The following PAG1 variants were observed in gnomAD, a reference collection of about 807,000 sequenced individuals.
PAG1 encodes phosphoprotein membrane anchor with glycosphingolipid microdomains 1, also known as phosphoprotein associated with glycosphingolipid-enriched microdomains 1.
Under a neutral mutation model 31.7 loss-of-function variants are expected in PAG1, and 23 were observed. That is an observed-to-expected ratio of 0.73 (90% confidence interval 0.52 to 1.03). PAG1 has a LOEUF of 1.03. PAG1 is among the 50% of genes least tolerant of loss of function. The probability of loss-of-function intolerance (pLI) is 0.00; values close to 1 mark genes in which losing one functional copy is unlikely to be tolerated. For synonymous variants in PAG1, 214 were observed against 210.3 expected, an observed-to-expected ratio of 1.02 and a Z score of -0.15; for missense variants, 473 against 540.7, an observed-to-expected ratio of 0.87 and a Z score of 1.24.
chr8:80,983,409 T>C (rs1807347738), intron 7 of PAG1, among the ~76,000 whole-genome samples: 1 of 152,220 alleles, frequency 6.6e-6, no homozygotes, highest in African/African-American at 2.4e-5. Context: ...CACTAAGATG[T>C]AAGTTCCACA....
rs534652296 is a variant in PAG1, at chr8:81,062,968, T to C, written c.-175+7144A>G. Among the ~76,000 whole-genome samples the C allele has an allele frequency of 3.9e-5, 6 of 152,300 alleles. No homozygotes were observed. In the South Asian group the frequency reaches 1.2e-3, roughly 32 times the overall value. ...AAGTGCTATGCCACACAGCATTTTA[T>C]TTATTTTAAAAATCCACTAAATAAA... is the stretch of plus-strand genomic sequence containing the variant. On this transcript the variant is annotated intron_variant, in intron 2 of 8. Transcript: ENST00000220597.
intron 3 of PAG1, among the ~76,000 whole-genome samples, chr8:81,023,749 T>C (rs548634408): frequency 6.6e-6 from 1 of 152,284 alleles, no homozygotes; most frequent in East Asian, 1.9e-4. Flanking sequence ...CATATAAATG[T>C]CCTAATAGAC....
At chr8:81,002,802 C>A (rs1298839819) in intron 3 of PAG1, among the ~76,000 whole-genome samples, 2 of 152,218 alleles carry the variant, frequency 1.3e-5, no homozygotes, top group African/African-American at 4.8e-5. Flanking sequence ...ACACACATCC[C>A]TCCAAGTTAT....
At chr8:80,992,628 C>T (rs1038381178) in intron 4 of PAG1, among the ~76,000 whole-genome samples, 1 of 152,148 alleles carries the variant, frequency 6.6e-6, no homozygotes, top group Non-Finnish European at 1.5e-5. Context: ...ACAGCATGTT[C>T]CTCTCCTTGG....
chr8:81,060,228 C>A (rs1024890544), intron 2 of PAG1, among the ~76,000 whole-genome samples: 1 of 152,124 alleles, frequency 6.6e-6, no homozygotes, highest in Non-Finnish European at 1.5e-5. Context: ...TGTTTTCAGG[C>A]ATCTAGCTTT....
chr8:80,992,086 C>T (rs1057398832), intron 4 of PAG1, among the ~76,000 whole-genome samples: 4 of 152,150 alleles, frequency 2.6e-5, no homozygotes, highest in Admixed American at 2.6e-4. Context: ...GAGAATACGC[C>T]GCCCATCCAC....
At chr8:81,008,657 T>C (rs1159914043) in intron 3 of PAG1, among the ~76,000 whole-genome samples, 1 of 151,600 alleles carries the variant, frequency 6.6e-6, no homozygotes, top group Admixed American at 6.6e-5. Context: ...AATCTCACGT[T>C]TCCTAACAGA....
chr8:81,075,825 A>G (rs1162647934), intron 1 of PAG1, among the ~76,000 whole-genome samples: 1 of 152,204 alleles, frequency 6.6e-6, no homozygotes, highest in Non-Finnish European at 1.5e-5. Flanking sequence ...GAGCATACAC[A>G]TAGTCACTAC....
intron 2 of PAG1, among the ~76,000 whole-genome samples, chr8:81,065,093 G>A (rs1808981494): frequency 6.6e-6 from 1 of 152,174 alleles, no homozygotes. Flanking sequence ...TGCTCTTGGG[G>A]GGAGGCGCTC....
Position 80,991,536 on chromosome 8 carries a change from A to G in PAG1, c.126-6T>C. The G allele has an allele frequency of 6.2e-7, 1 of 1,610,412 alleles. No individual in the cohort carries two copies. The highest frequency in any genetic ancestry group is 2.2e-5 in the East Asian group (1 of 44,868). ...GCTGTCGCGGCTTCTTTTCCCTGAA[A>G]TGAAAAGTGAAATGTTGTAATGTCA... On this transcript the variant is annotated splice_polypyrimidine_tract_variant and splice_region_variant and intron_variant, in intron 4 of 8. Transcript: ENST00000220597.
intron 2 of PAG1, among the ~76,000 whole-genome samples, chr8:81,060,343 C>T (rs1586195236): frequency 1.3e-5 from 2 of 152,270 alleles, no homozygotes; most frequent in East Asian, 3.9e-4. Flanking sequence ...TTAATCTATA[C>T]AATTAACTCT....
chr8:81,087,173 T>G (rs1458875619), intron 1 of PAG1, among the ~76,000 whole-genome samples: 2 of 152,064 alleles, frequency 1.3e-5, no homozygotes, highest in Non-Finnish European at 2.9e-5. Flanking sequence ...TGAAACCCCG[T>G]GTCTACTAAA....
At chr8:81,035,040 C>A (rs926990179) in intron 2 of PAG1, among the ~76,000 whole-genome samples, 3 of 152,008 alleles carry the variant, frequency 2.0e-5, no homozygotes, top group Non-Finnish European at 2.9e-5. Context: ...ATTTGGGTGT[C>A]GGTGGTGGCG....
rs376634077 is a variant in PAG1, at chr8:81,081,138, AT to A, written c.-233-10969del. Among the ~76,000 whole-genome samples, 294 of 152,104 alleles carry A rather than the reference AT, an allele frequency of 1.9e-3. 1 individual carries two copies. Among genetic ancestry groups the A allele is most frequent in the African/African-American group, 6.8e-3 (283 of 41,512 alleles). On this transcript the variant is annotated intron_variant, in intron 1 of 8. Transcript: ENST00000220597. ...TCACACGGTGTTTAGGAGTTAACAA[AT>A]ATTATCTATTTTTTAACATATATGA...
intron 2 of PAG1, among the ~76,000 whole-genome samples, chr8:81,060,988 C>G (rs1456592638): frequency 3.3e-5 from 5 of 152,200 alleles, no homozygotes; most frequent in Non-Finnish European, 2.9e-5. Context: ...TAGCTTCATT[C>G]ATACACATTC....
At chr8:81,081,611 C>G (rs917913698) in intron 1 of PAG1, among the ~76,000 whole-genome samples, 2 of 152,096 alleles carry the variant, frequency 1.3e-5, no homozygotes, top group African/African-American at 2.4e-5. Context: ...TCCTAGCAAT[C>G]GTGAATCTCA....
intron 1 of PAG1, among the ~76,000 whole-genome samples, chr8:81,087,885 T>C (rs1260590313): frequency 6.6e-6 from 1 of 152,186 alleles, no homozygotes; most frequent in East Asian, 1.9e-4. Context: ...TTAAAGATTT[T>C]TGACAGTTTT....
Position 80,976,652 on chromosome 8 carries a change from T to G in PAG1, c.1191A>C (p.Glu397Asp), listed in dbSNP as rs999936987. 1.2e-6 allele frequency: 2 copies of G among 1,614,180 alleles called. No individual in the cohort carries two copies. The change falls in exon 9 of 9, where the codon GAA (glutamate) becomes GAC (aspartate). Residue 397 changes from glutamate (E) to aspartate (D), a missense_variant. Transcript: ENST00000220597. ...YEAIQTLNRE[E>D]EKATLGTNGH... ...CATTGGTCCCCAGGGTGGCCTTTTC[T>G]TCCTCTCTGTTGAGAGTCTGTATCG...
At chr8:81,019,522 C>T (rs894248076) in intron 3 of PAG1, among the ~76,000 whole-genome samples, 3 of 152,244 alleles carry the variant, frequency 2.0e-5, no homozygotes, top group Non-Finnish European at 4.4e-5. Flanking sequence ...GGCCAACATA[C>T]AGCTCAGGCC....
Sources: allele counts gnomAD v4.1 joint callset (sites outside exome capture counted in the v4.1 genomes callset), GRCh38; gene constraint gnomAD v4.1.1; transcripts MANE v1.5; gene names NCBI Gene and HGNC (gene_info 2026-07-23, HGNC 2026-07-21).